CADM2: variants seen among roughly 807,000 people sequenced by gnomAD.
The protein encoded by CADM2 is cell adhesion molecule 2, also known as immunoglobulin superfamily member 4D.
Under a neutral mutation model 49.8 loss-of-function variants are expected in CADM2, and 12 were observed. That is an observed-to-expected ratio of 0.24 (90% CI 0.15 to 0.39). The LOEUF is 0.39. CADM2 is among the 10% of genes least tolerant of loss of function. The pLI is 1.00. For synonymous variants in CADM2, 214 were observed against 175.4 expected (o/e 1.22, Z -1.74); for missense variants, 378 against 492.3 (o/e 0.77, Z 2.20).
intron 1 of CADM2, among the ~76,000 whole-genome samples, chr3:85,328,606 A>G (rs890799624): frequency 2.0e-5 from 3 of 152,272 alleles, no homozygotes; most frequent in African/African-American, 7.2e-5. Context: ...TAATACAAAG[A>G]TTTCCTCAAG....
intron 1 of CADM2, among the ~76,000 whole-genome samples, chr3:85,493,292 T>C (rs2039752645): frequency 6.6e-6 from 1 of 152,190 alleles, no homozygotes; most frequent in South Asian, 2.1e-4. Flanking sequence ...TGTATTAATA[T>C]AATTCCCTAT....
intron 2 of CADM2, among the ~76,000 whole-genome samples, chr3:85,762,776 A>G (rs2069458345): frequency 6.6e-6 from 1 of 151,400 alleles, no homozygotes; most frequent in Non-Finnish European, 1.5e-5. Flanking sequence ...TATGTATAAT[A>G]TATTATTAAT....
At chr3:85,379,485 T>G (rs1466017043) in intron 1 of CADM2, among the ~76,000 whole-genome samples, 1 of 152,026 alleles carries the variant, frequency 6.6e-6, no homozygotes, top group East Asian at 1.9e-4. Flanking sequence ...TTTTTAGGCT[T>G]GAGAAATTTA....
chr3:85,216,858 A>G (rs764440103), intron 1 of CADM2, among the ~76,000 whole-genome samples: 3 of 152,240 alleles, frequency 2.0e-5, no homozygotes, highest in Non-Finnish European at 2.9e-5. Flanking sequence ...GGATGAGAAT[A>G]TAATAAAATG....
chr3:85,620,710 T>A (rs559022868), intron 1 of CADM2, among the ~76,000 whole-genome samples: 15 of 152,112 alleles, frequency 9.9e-5, no homozygotes, highest in Non-Finnish European at 1.8e-4. Flanking sequence ...AAACAATTAT[T>A]TGAAATTATC....
In CADM2 at chr3:85,433,338, G is replaced by T. The variant is rs2036774963; in HGVS notation, c.62-293184G>T. Among the ~76,000 whole-genome samples, 6 of 152,064 alleles carry T rather than the reference G, an allele frequency of 3.9e-5. No homozygotes were observed. In the South Asian group the frequency reaches 1.2e-3, roughly 32 times the overall value. On this transcript the variant is annotated intron_variant, in intron 1 of 9. Coordinates refer to ENST00000383699, the MANE Select transcript of CADM2 (RefSeq NM_001167675.2). ...TGTATATATTCATTTATCTTTGTTAGTGCAAGGAATGTATATGTGTGTGTG... is the reference window on the plus strand; with the variant it reads ...TGTATATATTCATTTATCTTTGTTATTGCAAGGAATGTATATGTGTGTGTG...
At chr3:85,614,312 A>G (rs527909176) in intron 1 of CADM2, among the ~76,000 whole-genome samples, 26 of 151,772 alleles carry the variant, frequency 1.7e-4, no homozygotes, top group African/African-American at 6.3e-4. Flanking sequence ...ACCTTATTTT[A>G]CTTTATATAT....
At chr3:85,674,813 A>G (rs1344760781) in intron 1 of CADM2, among the ~76,000 whole-genome samples, 2 of 152,238 alleles carry the variant, frequency 1.3e-5, no homozygotes, top group East Asian at 1.9e-4. Flanking sequence ...AAGCAGCTCT[A>G]CTTTTATGCC....
chr3:85,002,950 C>G (rs886497366), intron 1 of CADM2, among the ~76,000 whole-genome samples: 4 of 151,904 alleles, frequency 2.6e-5, no homozygotes, highest in Admixed American at 6.6e-5. Flanking sequence ...CATGTCCAGC[C>G]AATTTTATTT....
chr3:85,439,456 G>A (rs962479262), intron 1 of CADM2, among the ~76,000 whole-genome samples: 5 of 151,950 alleles, frequency 3.3e-5, no homozygotes, highest in African/African-American at 4.8e-5. Context: ...CCCGGCCAAT[G>A]ACTTGATTTT....
rs550493308 is a variant in CADM2 at position 85,965,292 on chromosome 3, A to T, written c.970+3645A>T. Among the ~76,000 whole-genome samples, 1,439 of 146,604 alleles carry T rather than the reference A, an allele frequency of 9.8e-3. 19 individuals carry two copies. Among genetic ancestry groups the T allele is most frequent in the African/African-American group, 0.032 (1,310 of 40,338 alleles). On this transcript the variant is annotated intron_variant, in intron 8 of 9. Transcript: ENST00000383699. ...ATAAATATAAATAATCATAATAAAT[A>T]TTTAAATATAAATATTATGATAAAT... is the stretch of plus-strand genomic sequence containing the variant.
intron 8 of CADM2, among the ~76,000 whole-genome samples, chr3:85,996,750 C>T (rs1191266720): frequency 6.6e-6 from 1 of 152,026 alleles, no homozygotes; most frequent in Non-Finnish European, 1.5e-5. Context: ...ACTATACATC[C>T]CCATTCCAAC....
chr3:85,705,145 T>C (rs1284648159), intron 1 of CADM2, among the ~76,000 whole-genome samples: 3 of 150,674 alleles, frequency 2.0e-5, no homozygotes, highest in African/African-American at 7.3e-5. Flanking sequence ...GGATCACAGG[T>C]GTGAGCCAGT....
At chr3:85,697,107 TATATGGC>T (rs1577107421) in intron 1 of CADM2, among the ~76,000 whole-genome samples, 2 of 135,168 alleles carry the variant, frequency 1.5e-5, no homozygotes, top group Non-Finnish European at 3.5e-5. Flanking sequence ...GCCATATATA[TATATGGC>T]ATATATATAT....
intron 1 of CADM2, among the ~76,000 whole-genome samples, chr3:85,326,009 A>G (rs188968673): frequency 3.9e-5 from 6 of 152,336 alleles, no homozygotes; most frequent in Non-Finnish European, 2.9e-5. Flanking sequence ...CATGTTTGAA[A>G]CATAAATGTT....
At chr3:85,272,545 T>G (rs954841402) in intron 1 of CADM2, among the ~76,000 whole-genome samples, 4 of 151,356 alleles carry the variant, frequency 2.6e-5, no homozygotes, top group African/African-American at 9.7e-5. Context: ...AAGAATGATA[T>G]TAAATACAGA....
chr3:85,679,358 G>T (rs910662002), intron 1 of CADM2, among the ~76,000 whole-genome samples: 1 of 152,130 alleles, frequency 6.6e-6, no homozygotes, highest in African/African-American at 2.4e-5. Flanking sequence ...AGGGGGAATG[G>T]ACTAGAGTGA....
chr3:85,383,942 T>A (rs1441117617), intron 1 of CADM2, among the ~76,000 whole-genome samples: 1 of 152,188 alleles, frequency 6.6e-6, no homozygotes, highest in Non-Finnish European at 1.5e-5. Flanking sequence ...TTAAAAACTG[T>A]GTTTCTCTGA....
chr3:85,898,955 A>ATTTTTTTTTTTT (rs35857247), intron 5 of CADM2, among the ~76,000 whole-genome samples: 3 of 33,908 alleles, frequency 8.8e-5, no homozygotes, highest in African/African-American at 1.5e-4. Context: ...ATATATATAT[A>ATTTTTTTTTTTT]TTTTTTTTTT....
Sources: gnomAD v4.1 joint callset for allele counts (sites outside exome capture counted in the v4.1 genomes callset) on GRCh38, gnomAD v4.1.1 for gene constraint, MANE v1.5 for transcripts, NCBI Gene and HGNC (gene_info 2026-07-23, HGNC 2026-07-21) for gene names.